The following MITF variants were observed in gnomAD, a reference collection of about 807,000 sequenced individuals.
The protein encoded by MITF is melanocyte inducing transcription factor.
A neutral mutation model predicts 60.5 loss-of-function variants in MITF; 17 were observed. The ratio of observed to expected loss-of-function variants is 0.28; its 90% CI spans 0.19 to 0.42. The LOEUF is 0.42. MITF is among the 10% of genes least tolerant of loss of function. The probability of loss-of-function intolerance (pLI) is 1.00; values close to 1 mark genes in which losing one functional copy is unlikely to be tolerated. For synonymous variants in MITF, 260 were observed against 248.5 expected (o/e 1.05, Z -0.43); for missense variants, 622 against 683.5 (o/e 0.91, Z 1.00).
intron 1 of MITF, among the ~76,000 whole-genome samples, chr3:69,793,870 T>A (rs2062784963): frequency 6.6e-6 from 1 of 152,234 alleles, no homozygotes; most frequent in Non-Finnish European, 1.5e-5. Flanking sequence ...AACAGTGTCC[T>A]CATTTATAAG....
At chr3:69,852,452 C>T (rs948312132) in intron 1 of MITF, among the ~76,000 whole-genome samples, 23 of 152,168 alleles carry the variant, frequency 1.5e-4, no homozygotes, top group Non-Finnish European at 2.5e-4. Flanking sequence ...TGGATTCTTT[C>T]GCTTAACATT....
chr3:69,941,916 A>C (rs796578336), intron 5 of MITF, among the ~76,000 whole-genome samples: 136 of 152,258 alleles, frequency 8.9e-4, no homozygotes, highest in African/African-American at 3.0e-3. Context: ...GTTTTACCAA[A>C]GTCTTATTGC....
chr3:69,965,216 A>G lies in MITF; in HGVS notation c.1549A>G (p.Met517Val). ...CAAAACAAGCAGCCGGAGGAGCAGT[A>G]TGAGCATGGAAGAGACGGAGCACAC... Reference protein sequence around the residue: ...ASKTSSRRSSMSMEETEHTC With the variant: ...ASKTSSRRSSVSMEETEHTC Residue 517 changes from methionine to valine, a missense_variant, in exon 10 of 10, where the codon ATG (methionine) becomes GTG (valine). Met to Val is a conservative substitution (Grantham distance 21). This residue lies in a region of MITF where 224 missense variants were observed against 209.5 expected (regional missense o/e 1.07). Transcript: ENST00000352241. 6.2e-7 allele frequency: 1 copy of G among 1,613,978 alleles called. No individual in the cohort carries two copies. The highest frequency in any genetic ancestry group is 8.5e-7 in the Non-Finnish European group (1 of 1,179,858).
At chr3:69,937,797 C>G (rs369037608) in intron 2 of MITF, 25 bp from the exon 3 acceptor site, 1 of 1,604,118 alleles carries the variant, frequency 6.2e-7, no homozygotes, top group Non-Finnish European at 8.5e-7. Context: ...GCGCTGTTTT[C>G]TTTTCCCTCC....
At chr3:69,791,364 G>T (rs2062737212) in intron 1 of MITF, among the ~76,000 whole-genome samples, 1 of 152,182 alleles carries the variant, frequency 6.6e-6, no homozygotes, top group Non-Finnish European at 1.5e-5. Flanking sequence ...CGTGGTGGTG[G>T]TGGTGGTGGT....
At chr3:69,946,246 G>A (rs1031856407) in intron 5 of MITF, among the ~76,000 whole-genome samples, 34 of 152,130 alleles carry the variant, frequency 2.2e-4, no homozygotes, top group African/African-American at 6.5e-4. Context: ...TAGCAAGTTC[G>A]TAAAGAGGCA....
chr3:69,862,980 C>T (rs1003320872), intron 1 of MITF, among the ~76,000 whole-genome samples: 1 of 152,182 alleles, frequency 6.6e-6, no homozygotes, highest in South Asian at 2.1e-4. Flanking sequence ...CTCTCTCTAT[C>T]TCTCTTTCCC....
chr3:69,937,988 G>C lies in MITF; in HGVS notation c.521G>C (p.Gly174Ala), dbSNP rs1161789659. 6.2e-7 allele frequency: 1 copy of C among 1,614,028 alleles called. No homozygotes were observed. Among genetic ancestry groups the C allele is most frequent in the East Asian group, 2.2e-5 (1 of 44,868 alleles). Residue 174 changes from glycine to alanine, a missense_variant, in exon 3 of 10, where the codon GGG becomes GCG. Transcript: ENST00000352241. ...PGDHVMPPVP[G>A]SSAPNSPMAM... The stretch of plus-strand genomic sequence containing the variant: ...GATCATGTCATGCCACCGGTGCCGG[G>C]GAGCAGCGCACCCAACAGCCCCATG...
intron 1 of MITF, among the ~76,000 whole-genome samples, chr3:69,855,847 C>A (rs1386893651): frequency 6.6e-6 from 1 of 152,134 alleles, no homozygotes; most frequent in Non-Finnish European, 1.5e-5. Context: ...ACATTTTGTT[C>A]TGACAGCCTT....
chr3:69,875,253 G>A (rs1268415316), intron 1 of MITF, among the ~76,000 whole-genome samples: 1 of 152,136 alleles, frequency 6.6e-6, no homozygotes, highest in Non-Finnish European at 1.5e-5. Flanking sequence ...CAGTGATGCC[G>A]ATACATGCCA....
At chr3:69,818,208 G>T (rs939323682) in intron 1 of MITF, among the ~76,000 whole-genome samples, 4 of 152,156 alleles carry the variant, frequency 2.6e-5, no homozygotes, top group Non-Finnish European at 5.9e-5. Flanking sequence ...CAAAGTTCAT[G>T]CAACTTAAGG....
At chr3:69,828,393 G>A (rs1002427958) in intron 1 of MITF, among the ~76,000 whole-genome samples, 2 of 151,990 alleles carry the variant, frequency 1.3e-5, no homozygotes, top group African/African-American at 2.4e-5. Flanking sequence ...TTATTTATAG[G>A]TGATATCTAA....
intron 9 of MITF, among the ~76,000 whole-genome samples, chr3:69,960,776 G>A (rs747039780): frequency 5.3e-5 from 8 of 152,152 alleles, no homozygotes; most frequent in Admixed American, 1.3e-4. Flanking sequence ...TGCTCCTCCC[G>A]GACGTTGAAC....
intron 1 of MITF, chr3:69,778,789 C>T (rs947427362): frequency 6.6e-6 from 1 of 152,162 alleles, no homozygotes; most frequent in African/African-American, 2.4e-5. Context: ...AAATTCTCAA[C>T]TTGCAAAAAC....
rs577055005 is a variant in MITF at position 69,739,932 on chromosome 3, G to A, written c.104+231G>A. ...CTTCGCGGGGGCGCGGCGGGTCGCC[G>A]GGGACGAAGCGTCCAGGCGCGGGGA... On this transcript the variant is annotated intron_variant, in intron 1 of 9. Transcript: ENST00000352241. Among the ~76,000 whole-genome samples, 102 of 152,228 alleles carry A rather than the reference G, an allele frequency of 6.7e-4. 1 individual carries two copies. The highest frequency in any genetic ancestry group is 6.8e-3 in the Middle Eastern group (2 of 294).
At chr3:69,924,181 A>C (rs1274773555) in intron 2 of MITF, among the ~76,000 whole-genome samples, 1 of 152,204 alleles carries the variant, frequency 6.6e-6, no homozygotes, top group East Asian at 1.9e-4. Flanking sequence ...AGAGCACTCC[A>C]TGGGCAAATC....
intron 2 of MITF, among the ~76,000 whole-genome samples, chr3:69,908,200 T>C (rs2065143387): frequency 6.6e-6 from 1 of 152,208 alleles, no homozygotes; most frequent in African/African-American, 2.4e-5. Context: ...GATTCAGTTT[T>C]GTACCACTTT....
At chr3:69,823,405 C>G (rs1052151818) in intron 1 of MITF, among the ~76,000 whole-genome samples, 2 of 152,120 alleles carry the variant, frequency 1.3e-5, no homozygotes, top group African/African-American at 4.8e-5. Flanking sequence ...ATAAGAAGGT[C>G]TCTTTCTGTC....
chr3:69,911,511 A>C (rs774585661), intron 2 of MITF, among the ~76,000 whole-genome samples: 13 of 152,334 alleles, frequency 8.5e-5, no homozygotes, highest in Non-Finnish European at 1.8e-4. Flanking sequence ...GGTGTTAATT[A>C]GAAAGACAAA....
Sources: allele counts gnomAD v4.1 joint callset (sites outside exome capture counted in the v4.1 genomes callset), GRCh38; gene constraint gnomAD v4.1.1; regional missense constraint gnomAD v4.1.1; transcripts MANE v1.5; gene names NCBI Gene and HGNC (gene_info 2026-07-23, HGNC 2026-07-21).